SAMD4B: variants seen among roughly 807,000 people sequenced by gnomAD.
SAMD4B encodes protein Smaug homolog 2.
Under a neutral mutation model 74.5 loss-of-function variants are expected in SAMD4B, and 5 were observed. That is an observed-to-expected ratio of 0.07 (90% CI 0.04 to 0.14). SAMD4B has a LOEUF of 0.14. Among genes scored for constraint, SAMD4B ranks in the 10% least tolerant of loss-of-function variants. SAMD4B has a pLI of 1.00. For missense variants in SAMD4B, 608 were observed against 921.8 expected, an observed-to-expected ratio of 0.66 and a Z score of 4.41; for synonymous variants, 373 against 374.9, an observed-to-expected ratio of 1.00 and a Z score of 0.06.
chr19:39,388,930 C>T, downstream of SAMD4B: 2 of 1,613,808 alleles, frequency 1.2e-6, no homozygotes, highest in African/African-American at 1.3e-5. Context: ...CTTTCTACCT[C>T]CCACCTTGGG....
intron 5 of SAMD4B, among the ~76,000 whole-genome samples, 188 bp downstream of exon 5, chr19:39,376,077 T>G (rs1014322791): frequency 1.3e-5 from 2 of 152,116 alleles, no homozygotes; most frequent in African/African-American, 4.8e-5. Flanking sequence ...CCTAACAAGT[T>G]CTAGTCTGAC....
intron 4 of SAMD4B, 99 bp downstream of exon 4, chr19:39,370,224 A>G (rs757033651): frequency 4.1e-6 from 5 of 1,224,156 alleles, no homozygotes; most frequent in East Asian, 2.5e-5. Context: ...GACAAGTCAC[A>G]TAAGCTGTAG....
chr19:39,367,711 G>C (rs901968141), intron 3 of SAMD4B, among the ~76,000 whole-genome samples: 1 of 150,784 alleles, frequency 6.6e-6, no homozygotes, highest in African/African-American at 2.4e-5. Flanking sequence ...CTTTCACCAT[G>C]TCGGCCAGGC....
At chr19:39,371,553 A>G (rs1217674804) in intron 4 of SAMD4B, among the ~76,000 whole-genome samples, 1 of 152,200 alleles carries the variant, frequency 6.6e-6, no homozygotes, top group Non-Finnish European at 1.5e-5. Flanking sequence ...ATGGTGGCTC[A>G]CGCCTGTAAT....
rs1483206165 is a variant in SAMD4B at position 39,383,858 on chromosome 19, C to G, written c.*331C>G. On this transcript the variant is annotated 3_prime_UTR_variant, in exon 14 of 14. Coordinates refer to ENST00000610417, the MANE Select transcript of SAMD4B (RefSeq NM_001384574.2). The surrounding 1 kb of genome is among the most constrained non-coding windows in gnomAD (Gnocchi z 4.1). ...CCTGCCTCCTCCAGACCGCTGACCA[C>G]CTGCCTCTCCCCAAGGGAGCAGACT... is the stretch of plus-strand genomic sequence containing the variant. 2 of 718,630 alleles carry G rather than the reference C, an allele frequency of 2.8e-6. No individual in the cohort carries two copies. The highest frequency in any genetic ancestry group is 5.3e-5 in the Admixed American group (2 of 37,448). 44.5% of individuals were successfully genotyped at this position (718,630 alleles called of 1,614,324 possible).
In SAMD4B at chr19:39,385,315, C is replaced by T. The variant is rs1454057542; in HGVS notation, c.*1788C>T. The T allele has an allele frequency of 7.8e-6, 3 of 386,364 alleles. No homozygotes were observed. Among genetic ancestry groups the T allele is most frequent in the Non-Finnish European group, 1.4e-5 (3 of 219,028 alleles). The allele number at this position is 386,364 out of a possible 1,614,324, so 23.9% of individuals were successfully genotyped here. A position where few individuals can be genotyped will look rare whatever the true frequency, so the allele number is the denominator to read the frequency against. ...TGTCCCTCTCATGGGACCCTCCCCTCTCCCCAGCCTGTCCTGTCTTGTTCA... is the reference window on the plus strand; with the variant it reads ...TGTCCCTCTCATGGGACCCTCCCCTTTCCCCAGCCTGTCCTGTCTTGTTCA... On this transcript the variant is annotated 3_prime_UTR_variant, in exon 14 of 14. Coordinates refer to ENST00000610417, the MANE Select transcript of SAMD4B (RefSeq NM_001384574.2).
chr19:39,375,280 A>G lies in SAMD4B; in HGVS notation c.668-370A>G, dbSNP rs2077534968. Among the ~76,000 whole-genome samples, 1 of 152,218 alleles carries G rather than the reference A, an allele frequency of 6.6e-6. No homozygotes were observed. The highest frequency in any genetic ancestry group is 1.5e-5 in the Non-Finnish European group (1 of 68,038). ...AGTCACAGGGATTTGAGCAGGAGTC[A>G]GGCTCGGTCAGATTTGCATTTTTAG... On this transcript the variant is annotated intron_variant, in intron 4 of 13. Coordinates refer to ENST00000610417, the MANE Select transcript of SAMD4B (RefSeq NM_001384574.2). This position sits in a 1 kb window ranked among gnomAD's most constrained non-coding sequence, Gnocchi z 4.1.
chr19:39,376,393 C>G (rs1382991949), intron 5 of SAMD4B, 44 bp from the exon 6 acceptor site: 2 of 1,519,000 alleles, frequency 1.3e-6, no homozygotes, highest in Non-Finnish European at 9.1e-7. Context: ...CCCTGGTAAT[C>G]TGGGCCAAAC....
downstream of SAMD4B, among the ~76,000 whole-genome samples, chr19:39,388,001 C>T (rs956495196): frequency 2.6e-5 from 4 of 152,120 alleles, no homozygotes; most frequent in African/African-American, 9.7e-5. Context: ...ATTAGCTGGC[C>T]ATGCTGGCAC....
chr19:39,347,459 G>T (rs1446000818), intron 1 of SAMD4B, among the ~76,000 whole-genome samples: 4 of 152,162 alleles, frequency 2.6e-5, no homozygotes, highest in African/African-American at 9.7e-5. Context: ...AGCAGTGATG[G>T]CAATCTCCCT....
chr19:39,389,694 G>C (rs1568375037), downstream of SAMD4B: 1 of 1,614,174 alleles, frequency 6.2e-7, no homozygotes, highest in Non-Finnish European at 8.5e-7. This position sits in a 1 kb window ranked among gnomAD's most constrained non-coding sequence, Gnocchi z 5.3. Flanking sequence ...GTGACCCCCA[G>C]GTCTGGCTCA....
At chr19:39,343,616 C>T (rs2075478413) in intron 1 of SAMD4B, among the ~76,000 whole-genome samples, 1 of 151,838 alleles carries the variant, frequency 6.6e-6, no homozygotes, top group Non-Finnish European at 1.5e-5. Context: ...AGATCACCCT[C>T]ATGTAGCCCA....
downstream of SAMD4B, chr19:39,389,370 C>T: frequency 6.2e-7 from 1 of 1,614,120 alleles, no homozygotes; most frequent in Non-Finnish European, 8.5e-7. This position sits in a 1 kb window ranked among gnomAD's most constrained non-coding sequence, Gnocchi z 5.3. Flanking sequence ...ACCACCTTCG[C>T]GTGCTGCTGG....
chr19:39,390,566 A>G (rs1193414062), downstream of SAMD4B, among the ~76,000 whole-genome samples: 2 of 152,210 alleles, frequency 1.3e-5, no homozygotes, highest in Non-Finnish European at 2.9e-5. Flanking sequence ...CATGTACTCA[A>G]TCGTCTTCGG....
rs1306875215 is a variant in SAMD4B at position 39,375,260 on chromosome 19, C to T, written c.668-390C>T. On this transcript the variant is annotated intron_variant, in intron 4 of 13. Transcript: ENST00000610417. This position sits in a 1 kb window ranked among gnomAD's most constrained non-coding sequence, Gnocchi z 4.1. ...TTGTTCCCACTATGAAAGGAAGTCACAGGGATTTGAGCAGGAGTCAGGCTC... is the reference window on the plus strand; with the variant it reads ...TTGTTCCCACTATGAAAGGAAGTCATAGGGATTTGAGCAGGAGTCAGGCTC... 6.6e-6 allele frequency among the ~76,000 whole-genome samples: 1 copy of T among 152,154 alleles called. No individual in the cohort carries two copies. The highest frequency in any genetic ancestry group is 6.5e-5 in the Admixed American group (1 of 15,278).
rs948846598 is a variant in SAMD4B at position 39,375,438 on chromosome 19, T to G, written c.668-212T>G. 6.6e-6 allele frequency among the ~76,000 whole-genome samples: 1 copy of G among 151,986 alleles called. No individual in the cohort carries two copies. The highest frequency in any genetic ancestry group is 1.5e-5 in the Non-Finnish European group (1 of 67,966). On this transcript the variant is annotated intron_variant, in intron 4 of 13. Coordinates refer to ENST00000610417, the MANE Select transcript of SAMD4B (RefSeq NM_001384574.2). The surrounding 1 kb of genome is among the most constrained non-coding windows in gnomAD (Gnocchi z 4.1). ...GCTTGAGCCAGCGGAACTGGAGAAA[T>G]TCAGGAAAGTGGCTGACAGCTTGCT... is the stretch of plus-strand genomic sequence containing the variant.
intron 7 of SAMD4B, among the ~76,000 whole-genome samples, 200 bp downstream of exon 7, chr19:39,376,991 C>A (rs1468616324): frequency 6.6e-6 from 1 of 152,230 alleles, no homozygotes; most frequent in East Asian, 1.9e-4. Flanking sequence ...CCCTCCCTGT[C>A]TTTCCTGGTT....
chr19:39,366,804 G>A (rs1473572102), intron 3 of SAMD4B, among the ~76,000 whole-genome samples: 1 of 152,038 alleles, frequency 6.6e-6, no homozygotes, highest in African/African-American at 2.4e-5. Flanking sequence ...GATGTCCTTG[G>A]AATCGTAAAG....
At chr19:39,381,347 A>G in intron 12 of SAMD4B, 1 of 453,084 alleles carries the variant, frequency 2.2e-6, no homozygotes. Flanking sequence ...CTCACCCCTT[A>G]CTCCTACCCC....
Sources: allele counts gnomAD v4.1 joint callset (sites outside exome capture counted in the v4.1 genomes callset), GRCh38; gene constraint gnomAD v4.1.1; non-coding constraint Gnocchi (gnomAD v3.1); transcripts MANE v1.5; gene names NCBI Gene and HGNC (gene_info 2026-07-23, HGNC 2026-07-21).